Variants in FGF13 observed in about 807,000 individuals in gnomAD.
FGF13 encodes the protein fibroblast growth factor 13.
Under a neutral mutation model 19.5 loss-of-function variants are expected in FGF13, and 2 were observed. The ratio of observed to expected loss-of-function variants is 0.10; its 90% CI spans 0.04 to 0.32. The LOEUF (loss-of-function observed/expected upper bound fraction) is 0.32. Ranked by LOEUF, FGF13 falls within the 10% of genes least tolerant of loss-of-function variation. The probability of loss-of-function intolerance (pLI) is 1.00; values close to 1 mark genes in which losing one functional copy is unlikely to be tolerated. For synonymous variants in FGF13, 72 were observed against 76.9 expected, an observed-to-expected ratio of 0.94 and a Z score of 0.33; for missense variants, 113 against 192.7, an observed-to-expected ratio of 0.59 and a Z score of 2.45.
At chrX:138,783,959 T>C (rs1356580615) in intron 3 of FGF13, among the ~76,000 whole-genome samples, 2 of 103,083 alleles carry the variant, frequency 1.9e-5, no homozygotes, top group Non-Finnish European at 4.0e-5. Context: ...ATGTGGCACA[T>C]ATACACCATG....
intron 1 of FGF13, among the ~76,000 whole-genome samples, chrX:139,129,928 C>T (rs1177973795): frequency 8.9e-6 from 1 of 111,763 alleles, no homozygotes; most frequent in Non-Finnish European, 1.9e-5. Context: ...CGTCTCAAGC[C>T]CATTTTCAAA....
intron 1 of FGF13, among the ~76,000 whole-genome samples, chrX:139,002,152 G>C (rs780928475): frequency 9.1e-6 from 1 of 110,397 alleles, no homozygotes; most frequent in Non-Finnish European, 1.9e-5. Flanking sequence ...AGAACACATG[G>C]ACACAGGGAG....
rs181239122 is a variant in FGF13, at chrX:138,818,017, A to C, written c.217+39495T>G. The stretch of plus-strand genomic sequence containing the variant: ...CAGGCTTTTGGGCCACAGTTTGCAC[A>C]CTCCTGGTCTGTAACACTCAAGACA... On this transcript the variant is annotated intron_variant, in intron 3 of 6. Transcript: ENST00000436198. 8.1e-5 allele frequency among the ~76,000 whole-genome samples: 9 copies of C among 111,022 alleles called. No homozygotes were observed. The East Asian group carries it at 2.3e-3, about 28-fold the overall frequency.
chrX:138,880,576 C>T (rs1446269363), intron 1 of FGF13, among the ~76,000 whole-genome samples: 2 of 111,685 alleles, frequency 1.8e-5, no homozygotes, highest in South Asian at 7.6e-4. Context: ...CAAACTAACA[C>T]AAGAACAGAA....
chrX:139,030,652 G>C (rs1324573975), intron 1 of FGF13, among the ~76,000 whole-genome samples: 4 of 111,578 alleles, frequency 3.6e-5, no homozygotes. Context: ...GGGACGACTA[G>C]AGCAGCTAAG....
At chrX:139,126,492 C>T (rs1356451168) in intron 1 of FGF13, among the ~76,000 whole-genome samples, 1 of 111,793 alleles carries the variant, frequency 8.9e-6, no homozygotes, top group Non-Finnish European at 1.9e-5. Context: ...TGTGGGATGG[C>T]TCATTCATCT....
chrX:138,722,249 C>T (rs2090152368), intron 1 of FGF13, among the ~76,000 whole-genome samples: 1 of 111,648 alleles, frequency 9.0e-6, no homozygotes, highest in Non-Finnish European at 1.9e-5. Flanking sequence ...TGGTGACTGG[C>T]AAGAGATTTG....
chrX:138,933,196 G>A (rs1427066332), intron 1 of FGF13, among the ~76,000 whole-genome samples: 1 of 111,708 alleles, frequency 9.0e-6, no homozygotes, highest in Non-Finnish European at 1.9e-5. Context: ...GGTTACTGAG[G>A]GCATTGACCA....
chrX:138,667,814 T>TATTTTCTG (rs775646254), intron 3 of FGF13: 5 of 326,097 alleles, frequency 1.5e-5, no homozygotes, highest in Admixed American at 1.5e-4. Flanking sequence ...TTCCACTCCA[T>TATTTTCTG]ATTTTCTGTC....
chrX:138,996,238 C>A (rs943556887), intron 1 of FGF13, among the ~76,000 whole-genome samples: 1 of 112,472 alleles, frequency 8.9e-6, no homozygotes, highest in Non-Finnish European at 1.9e-5. Context: ...TCACCTCACC[C>A]GGGAAGTGCA....
chrX:139,134,925 C>T (rs2083788264), intron 1 of FGF13, among the ~76,000 whole-genome samples: 1 of 111,035 alleles, frequency 9.0e-6, no homozygotes, highest in South Asian at 3.8e-4. Flanking sequence ...TGGGATTACA[C>T]GTGTAAGCCA....
At chrX:138,742,489 GCTCTCTCTCTCT>G (rs10605205), upstream of FGF13, among the ~76,000 whole-genome samples, 5 of 103,770 alleles carry the variant, frequency 4.8e-5, no homozygotes, top group African/African-American at 1.8e-4. Context: ...TCAGCAAGGG[GCTCTCTCTCTCT>G]CTCTCTCTCT....
intron 1 of FGF13, among the ~76,000 whole-genome samples, chrX:138,912,774 T>C (rs1453029632): frequency 9.0e-6 from 1 of 111,729 alleles, no homozygotes; most frequent in East Asian, 2.8e-4. Context: ...CACTCCCAGA[T>C]TCTGTTCTGC....
Position 138,631,934 on chromosome X carries a change from A to ACAT in FGF13, c.*913_*915dup, listed in dbSNP as rs2089120992. The ACAT allele has an allele frequency of 1.8e-5, 2 of 112,197 alleles. No homozygotes were observed. The highest frequency in any genetic ancestry group is 3.8e-5 in the Non-Finnish European group (2 of 53,195). 9.2% of individuals were successfully genotyped at this position (112,197 alleles called of 1,213,427 possible). A position where few individuals can be genotyped will look rare whatever the true frequency, so the allele number is the denominator to read the frequency against. On this transcript the variant is annotated 3_prime_UTR_variant, in exon 5 of 5. Coordinates refer to ENST00000315930, the MANE Select transcript of FGF13 (RefSeq NM_004114.5). ...CAAATACAATGACAGGAAGACTCAT[A>ACAT]CATATACAGATAAGACATTTCTTAT...
intron 3 of FGF13, among the ~76,000 whole-genome samples, chrX:138,679,474 T>A (rs1208312166): frequency 9.0e-6 from 1 of 111,266 alleles, no homozygotes; most frequent in East Asian, 2.8e-4. Flanking sequence ...CTTGGAGATA[T>A]TACAGGTTCA....
chrX:138,811,992 G>T (rs1385299883), intron 3 of FGF13, among the ~76,000 whole-genome samples: 1 of 107,058 alleles, frequency 9.3e-6, no homozygotes, highest in Non-Finnish European at 1.9e-5. Context: ...GACAAGGTTT[G>T]CAACCATCAC....
rs1043284004 is a variant in FGF13, at chrX:139,070,777, C to T, written c.-113+132639G>A. 2.7e-5 allele frequency among the ~76,000 whole-genome samples: 3 copies of T among 111,950 alleles called. No homozygotes were observed. In the South Asian group the frequency reaches 1.1e-3, roughly 42 times the overall value. ...GATAAAGAAAATGAAGAAAATGTGG[C>T]ACATATACACTATGGAATACTATGC... On this transcript the variant is annotated intron_variant, in intron 1 of 2. Coordinates refer to the FGF13 transcript ENST00000421460.
Position 138,711,196 on chromosome X carries a change from G to A in FGF13, c.-193C>T. 5 of 1,060,837 alleles carry A rather than the reference G, an allele frequency of 4.7e-6. No homozygotes were observed. The South Asian group carries it at 1.1e-4, about 23-fold the overall frequency. The allele number at this position is 1,060,837 out of a possible 1,213,427, so 87.4% of individuals were successfully genotyped here. On this transcript the variant is annotated 5_prime_UTR_variant, in exon 1 of 5. Coordinates refer to ENST00000315930, the MANE Select transcript of FGF13 (RefSeq NM_004114.5). ...CTCAGCATGCCGTCCGAGCTCCTCCGGCGGCGGTCCGGCTCCCGCGCGGGC... is the reference window on the plus strand; with the variant it reads ...CTCAGCATGCCGTCCGAGCTCCTCCAGCGGCGGTCCGGCTCCCGCGCGGGC...
intron 1 of FGF13, among the ~76,000 whole-genome samples, chrX:139,183,530 G>A (rs1603233361): frequency 8.9e-6 from 1 of 111,742 alleles, no homozygotes; most frequent in African/African-American, 3.3e-5. Flanking sequence ...GTGAGTTCAC[G>A]TGAGATGTGA....
Sources: allele counts gnomAD v4.1 joint callset (sites outside exome capture counted in the v4.1 genomes callset), GRCh38; gene constraint gnomAD v4.1.1; transcripts MANE v1.5; gene names NCBI Gene and HGNC (gene_info 2026-07-23, HGNC 2026-07-21).